The following PRKDC variants were observed in gnomAD, a reference collection of about 807,000 sequenced individuals.
PRKDC encodes the protein protein kinase, DNA-activated, catalytic subunit, also known as DNA-dependent protein kinase catalytic subunit.
In PRKDC, 82 loss-of-function variants were observed where a neutral mutation model predicts 486.9. The ratio of observed to expected loss-of-function variants is 0.17; its 90% CI spans 0.14 to 0.20. PRKDC has a LOEUF of 0.20. Ranked by LOEUF, PRKDC falls within the 10% of genes least tolerant of loss-of-function variation. PRKDC has a pLI of 1.00. For missense variants in PRKDC, 4,504 were observed against 5,038.2 expected (o/e 0.89, Z 3.21); for synonymous variants, 1,895 against 1,837.0 (o/e 1.03, Z -0.81).
rs189871917 is a variant in PRKDC, at chr8:47,776,636, G to A, written c.12182+208C>T. Among the ~76,000 whole-genome samples, 6 of 152,316 alleles carry A rather than the reference G, an allele frequency of 3.9e-5. No homozygotes were observed. In the East Asian group the frequency reaches 1.2e-3, roughly 29 times the overall value. ...GGGACTGAGTTTAAACCTGAAGACAGTGCAGGGGTCACATACGTCAGAGTT... is the reference window on the plus strand; with the variant it reads ...GGGACTGAGTTTAAACCTGAAGACAATGCAGGGGTCACATACGTCAGAGTT... On this transcript the variant is annotated intron_variant, in intron 85 of 85. Transcript: ENST00000314191.
chr8:47,803,575 T>TCCA (rs1425987360), intron 69 of PRKDC, 95 bp from the exon 70 acceptor site: 1 of 1,124,414 alleles, frequency 8.9e-7, no homozygotes, highest in East Asian at 2.3e-5. Context: ...CACGACACAA[T>TCCA]CCACCTTAGA....
chr8:47,859,683 G>A lies in PRKDC; in HGVS notation c.6135C>T (p.Phe2045=), dbSNP rs781184930. 7.9e-5 allele frequency: 128 copies of A among 1,613,906 alleles called. No individual in the cohort carries two copies. The highest frequency in any genetic ancestry group is 1.1e-4 in the Non-Finnish European group (127 of 1,179,844). The part of the protein sequence containing the change: ...TLSEEMSQFD[F]STGVQSYSYS... ...ATGAATAGCTCTGAACTCCGGTTGA[G>A]AAATCAAATTGACTCATTTCCTCAC... The change falls in exon 46 of 86, where the codon TTC becomes TTT. Residue 2045 remains phenylalanine (F), a synonymous_variant. Coordinates refer to ENST00000314191, the MANE Select transcript of PRKDC (RefSeq NM_006904.7).
chr8:47,820,919 G>A lies in PRKDC; in HGVS notation c.9136C>T (p.Arg3046Cys), dbSNP rs1214540959. The change falls in exon 66 of 86, where the codon CGC becomes TGC. Residue 3046 changes from arginine (R) to cysteine (C), a missense_variant. Arg to Cys is a radical substitution (Grantham distance 180). Transcript: ENST00000314191. ...YQETYLPYMIRSKLKLLLQGE... is the reference protein window; with the variant it reads ...YQETYLPYMICSKLKLLLQGE... ...TGGAGCAGCAGCTTCAGCTTGCTGC[G>A]GATCATGTAAGGTAGATATGTTTCC... The A allele has an allele frequency of 1.7e-5, 28 of 1,603,176 alleles. No homozygotes were observed. Among genetic ancestry groups the A allele is most frequent in the African/African-American group, 4.0e-5 (3 of 74,736 alleles).
chr8:47,831,221 G>A (rs894054413), intron 60 of PRKDC, among the ~76,000 whole-genome samples: 1 of 152,202 alleles, frequency 6.6e-6, no homozygotes, highest in Non-Finnish European at 1.5e-5. Context: ...GGCAGGGCTT[G>A]GGGAGGGGGC....
chr8:47,828,965 T>G (rs192972156), intron 61 of PRKDC, among the ~76,000 whole-genome samples: 183 of 152,342 alleles, frequency 1.2e-3, no homozygotes, highest in African/African-American at 3.6e-3. Flanking sequence ...GCACACTTCA[T>G]GGCCACAGTA....
At chr8:47,892,159 C>A (rs532754203) in intron 31 of PRKDC, among the ~76,000 whole-genome samples, 1 of 151,752 alleles carries the variant, frequency 6.6e-6, no homozygotes, top group African/African-American at 2.4e-5. Flanking sequence ...TGTGAGCCAC[C>A]GCGTCCGGCC....
intron 54 of PRKDC, 74 bp downstream of exon 54, chr8:47,849,080 G>A (rs1589740167): frequency 6.5e-7 from 1 of 1,529,028 alleles, no homozygotes; most frequent in East Asian, 2.3e-5. Flanking sequence ...GGTTCTTCTT[G>A]AGTTGGAGAC....
Position 47,782,468 on chromosome 8 carries a change from T to G in PRKDC, c.11306A>C (p.Gln3769Pro). The G allele has an allele frequency of 6.3e-7, 1 of 1,589,488 alleles. No homozygotes were observed. The highest frequency in any genetic ancestry group is 8.6e-7 in the Non-Finnish European group (1 of 1,168,570). Reference sequence around the variant, plus strand: ...TTGGGCCAGGATCCCATTCATGACCTGGAAGAGCTGCTCCACGCGCTGGTC... The same window carrying G: ...TTGGGCCAGGATCCCATTCATGACCGGGAAGAGCTGCTCCACGCGCTGGTC... ...RQDQRVEQLF[Q>P]VMNGILAQDS... Residue 3769 changes from glutamine to proline, a missense_variant, in exon 79 of 86, where the codon CAG becomes CCG. Coordinates refer to ENST00000314191, the MANE Select transcript of PRKDC (RefSeq NM_006904.7). This position sits in a 1 kb window ranked among gnomAD's most constrained non-coding sequence, Gnocchi z 4.9.
chr8:47,835,325 C>T (rs963023878), intron 58 of PRKDC, among the ~76,000 whole-genome samples: 2 of 152,098 alleles, frequency 1.3e-5, no homozygotes, highest in Non-Finnish European at 2.9e-5. Flanking sequence ...GAAACTTTCC[C>T]TGATCTTTCT....
intron 84 of PRKDC, 76 bp from the exon 85 acceptor site, chr8:47,777,059 T>C: frequency 6.7e-7 from 1 of 1,501,296 alleles, no homozygotes; most frequent in Admixed American, 2.2e-5. Flanking sequence ...TTAAATCTAG[T>C]AATGATCTTA....
intron 51 of PRKDC, 91 bp downstream of exon 51, chr8:47,853,992 G>T: frequency 6.7e-7 from 1 of 1,485,794 alleles, no homozygotes; most frequent in Non-Finnish European, 9.2e-7. Flanking sequence ...CATGGGTCTG[G>T]TCCTTAAAAT....
chr8:47,843,160 C>T (rs1024922403), intron 54 of PRKDC, among the ~76,000 whole-genome samples: 4 of 152,034 alleles, frequency 2.6e-5, no homozygotes, highest in Non-Finnish European at 5.9e-5. Flanking sequence ...CACAGCAAGA[C>T]CCTGTCGAAA....
chr8:47,880,117 G>C (rs547162802), intron 38 of PRKDC, among the ~76,000 whole-genome samples: 1 of 152,180 alleles, frequency 6.6e-6, no homozygotes, highest in South Asian at 2.1e-4. Flanking sequence ...CCAAAATGTT[G>C]CGATTACAGG....
intron 10 of PRKDC, among the ~76,000 whole-genome samples, chr8:47,940,752 A>C (rs945043145): frequency 6.6e-6 from 1 of 152,338 alleles, no homozygotes; most frequent in Non-Finnish European, 1.5e-5. Flanking sequence ...TATAGTATTA[A>C]AGACTTGAAA....
chr8:47,876,568 G>A (rs2089096298), intron 40 of PRKDC, among the ~76,000 whole-genome samples: 1 of 151,894 alleles, frequency 6.6e-6, no homozygotes, highest in Non-Finnish European at 1.5e-5. Context: ...GGCTGACGCA[G>A]GAGAATCATT....
At chr8:47,917,503 T>G (rs188853611) in intron 22 of PRKDC, among the ~76,000 whole-genome samples, 1 of 152,306 alleles carries the variant, frequency 6.6e-6, no homozygotes, top group Admixed American at 6.5e-5. Context: ...CAAAAATAGC[T>G]ATTTTCCCTA....
chr8:47,803,933 C>CAAA (rs58802347), intron 69 of PRKDC, among the ~76,000 whole-genome samples: 7 of 141,516 alleles, frequency 4.9e-5, no homozygotes, highest in Admixed American at 7.1e-5. Context: ...AGCAAGTCTC[C>CAAA]AAAAAAAAAA....
In PRKDC at chr8:47,893,306, C is replaced by A. The variant is rs767959125; in HGVS notation, c.3680G>T (p.Gly1227Val). ...GATGCCCGAGGGCTGGCCACAGCCA[C>A]CCCCCTCAAAGGTGTTGATGAGAAA... ...VSFLINTFEG[G>V]GCGQPSGILA... The change falls in exon 31 of 86, where the codon GGT becomes GTT. Residue 1227 changes from glycine (G) to valine (V), a missense_variant. Physicochemically the swap from Gly to Val is moderately radical, Grantham distance 109. Transcript: ENST00000314191. 2 of 1,606,858 alleles carry A rather than the reference C, an allele frequency of 1.2e-6. No homozygotes were observed. The highest frequency in any genetic ancestry group is 1.3e-5 in the African/African-American group (1 of 74,906).
intron 7 of PRKDC, among the ~76,000 whole-genome samples, 182 bp from the exon 8 acceptor site, chr8:47,944,211 A>G (rs1393088743): frequency 6.6e-6 from 1 of 152,222 alleles, no homozygotes; most frequent in Non-Finnish European, 1.5e-5. Flanking sequence ...TGACTGCGAG[A>G]AAACAGAAAG....
Sources: gnomAD v4.1 joint callset for allele counts (sites outside exome capture counted in the v4.1 genomes callset) on GRCh38, gnomAD v4.1.1 for gene constraint, Gnocchi (gnomAD v3.1) non-coding constraint, MANE v1.5 for transcripts, NCBI Gene and HGNC (gene_info 2026-07-23, HGNC 2026-07-21) for gene names.